GRIK3: variants seen among roughly 807,000 people sequenced by gnomAD.
The protein encoded by GRIK3 is glutamate ionotropic receptor kainate type subunit 3, also known as glutamate receptor ionotropic, kainate 3.
A neutral mutation model predicts 102.5 loss-of-function variants in GRIK3; 29 were observed. The ratio of observed to expected loss-of-function variants is 0.28; its 90% CI spans 0.21 to 0.39. The LOEUF (loss-of-function observed/expected upper bound fraction) is 0.39, where lower values mean the gene tolerates loss of function less well. GRIK3 is among the 10% of genes least tolerant of loss of function. The probability of loss-of-function intolerance (pLI) is 1.00; values close to 1 mark genes in which losing one functional copy is unlikely to be tolerated. For synonymous variants in GRIK3, 511 were observed against 504.9 expected, an observed-to-expected ratio of 1.01 and a Z score of -0.16; for missense variants, 908 against 1,252.4, an observed-to-expected ratio of 0.73 and a Z score of 4.15.
chr1:36,980,828 A>G (rs1384155217), intron 1 of GRIK3, among the ~76,000 whole-genome samples: 1 of 152,148 alleles, frequency 6.6e-6, no homozygotes, highest in African/African-American at 2.4e-5. Flanking sequence ...CAGATGAACC[A>G]TCACAAAATC....
chr1:36,822,071 T>C (rs1642701536), intron 11 of GRIK3, among the ~76,000 whole-genome samples: 1 of 152,228 alleles, frequency 6.6e-6, no homozygotes, highest in Non-Finnish European at 1.5e-5. Flanking sequence ...TAACCATGCC[T>C]TGACTGATGG....
chr1:36,842,334 T>A (rs1640464445), intron 9 of GRIK3, among the ~76,000 whole-genome samples: 1 of 152,106 alleles, frequency 6.6e-6, no homozygotes, highest in African/African-American at 2.4e-5. Flanking sequence ...TTGTTAGAAA[T>A]GCACATTCTC....
chr1:36,805,990 T>A, intron 14 of GRIK3, 114 bp downstream of exon 14: 2 of 441,888 alleles, frequency 4.5e-6, no homozygotes, highest in South Asian at 4.1e-5. Flanking sequence ...AGAGAAAACG[T>A]CACCTTTATC....
chr1:36,798,872 GCCTCTATTTAT>G lies in GRIK3; in HGVS notation c.*2968_*2978del, dbSNP rs1642400470. The G allele has an allele frequency of 6.6e-6, 1 of 152,174 alleles. No individual in the cohort carries two copies. Among genetic ancestry groups the G allele is most frequent in the Non-Finnish European group, 1.5e-5 (1 of 68,038 alleles). 9.4% of individuals were successfully genotyped at this position (152,174 alleles called of 1,614,324 possible). ...TGGGGGGTTTCTCGAATTGAATTCT[GCCTCTATTTAT>G]CCACTATTCTTTGTTCGTTTTATAA... On this transcript the variant is annotated 3_prime_UTR_variant, in exon 16 of 16. Coordinates refer to ENST00000373091, the MANE Select transcript of GRIK3 (RefSeq NM_000831.4).
chr1:36,867,852 G>C (rs980341570), intron 5 of GRIK3, among the ~76,000 whole-genome samples: 18 of 152,152 alleles, frequency 1.2e-4, no homozygotes, highest in African/African-American at 4.3e-4. Flanking sequence ...CCTATTAAAA[G>C]CATCTCTGCC....
chr1:36,808,758 T>G (rs965605414), intron 13 of GRIK3, among the ~76,000 whole-genome samples: 5 of 152,210 alleles, frequency 3.3e-5, no homozygotes, highest in South Asian at 4.1e-4. Context: ...CAAATATTGT[T>G]TTAAAACATG....
chr1:36,983,750 C>T (rs999262694), intron 1 of GRIK3, among the ~76,000 whole-genome samples: 2 of 152,138 alleles, frequency 1.3e-5, no homozygotes, highest in African/African-American at 4.8e-5. Flanking sequence ...CCCTGTTATA[C>T]GGTCTTGGAG....
At chr1:36,892,289 C>T (rs1399881458) in intron 1 of GRIK3, among the ~76,000 whole-genome samples, 1 of 152,174 alleles carries the variant, frequency 6.6e-6, no homozygotes, top group East Asian at 1.9e-4. Context: ...TCCCAAAGTG[C>T]TGGGATTACA....
chr1:36,812,344 C>T (rs960003932), intron 13 of GRIK3, among the ~76,000 whole-genome samples: 1 of 152,126 alleles, frequency 6.6e-6, no homozygotes. Flanking sequence ...CTATCCCTCT[C>T]ATCTGTTATG....
intron 1 of GRIK3, among the ~76,000 whole-genome samples, chr1:37,020,184 C>T (rs981924623): frequency 6.6e-6 from 1 of 152,146 alleles, no homozygotes; most frequent in African/African-American, 2.4e-5. Context: ...CCTGGCACGA[C>T]TTTTCTGTCT....
chr1:36,863,209 C>T (rs1268443127), intron 5 of GRIK3, among the ~76,000 whole-genome samples: 1 of 152,096 alleles, frequency 6.6e-6, no homozygotes, highest in Non-Finnish European at 1.5e-5. Flanking sequence ...GGCTACCCAG[C>T]TCCAGAGCCC....
At chr1:36,856,430 T>A (rs372093607) in intron 7 of GRIK3, among the ~76,000 whole-genome samples, 1 of 152,236 alleles carries the variant, frequency 6.6e-6, no homozygotes, top group African/African-American at 2.4e-5. Context: ...AAATGAAAGA[T>A]GCTTCACACG....
At chr1:36,927,517 C>T (rs937364941) in intron 1 of GRIK3, among the ~76,000 whole-genome samples, 12 of 152,204 alleles carry the variant, frequency 7.9e-5, no homozygotes, top group African/African-American at 2.4e-4. Flanking sequence ...GCAAAATGAA[C>T]AAAGTGAATT....
chr1:36,968,950 G>A (rs954867258), intron 1 of GRIK3, among the ~76,000 whole-genome samples: 2 of 152,206 alleles, frequency 1.3e-5, no homozygotes, highest in Non-Finnish European at 2.9e-5. Context: ...TCTCCCAAGG[G>A]AGGCAAACTA....
chr1:37,026,243 G>C (rs1470323518), intron 1 of GRIK3, among the ~76,000 whole-genome samples: 4 of 152,096 alleles, frequency 2.6e-5, no homozygotes, highest in Non-Finnish European at 4.4e-5. Flanking sequence ...ATAAATAATG[G>C]GCCAGGCGGT....
At chr1:36,965,335 G>T (rs891313073) in intron 1 of GRIK3, among the ~76,000 whole-genome samples, 2 of 152,156 alleles carry the variant, frequency 1.3e-5, no homozygotes, top group Non-Finnish European at 2.9e-5. Context: ...GATTATAAAT[G>T]TAATTTCATT....
At chr1:36,988,365 C>T (rs896589611) in intron 1 of GRIK3, among the ~76,000 whole-genome samples, 3 of 152,248 alleles carry the variant, frequency 2.0e-5, no homozygotes, top group African/African-American at 7.2e-5. Flanking sequence ...ATTGCTGACC[C>T]AGTGGGGCAG....
chr1:37,018,155 G>A (rs933606573), intron 1 of GRIK3, among the ~76,000 whole-genome samples: 5 of 152,026 alleles, frequency 3.3e-5, no homozygotes, highest in East Asian at 3.9e-4. Flanking sequence ...CTGTCTCCTC[G>A]CTTGGCTGCC....
chr1:37,004,933 G>A (rs1642516402), intron 1 of GRIK3, among the ~76,000 whole-genome samples: 1 of 152,218 alleles, frequency 6.6e-6, no homozygotes, highest in South Asian at 2.1e-4. Flanking sequence ...CACCATCAAC[G>A]GCCCCAGTTG....
Sources: gnomAD v4.1 joint callset for allele counts (sites outside exome capture counted in the v4.1 genomes callset) on GRCh38, gnomAD v4.1.1 for gene constraint, MANE v1.5 for transcripts, NCBI Gene and HGNC (gene_info 2026-07-23, HGNC 2026-07-21) for gene names.